The following SLC4A10 variants were observed in gnomAD, a reference collection of about 807,000 sequenced individuals.
SLC4A10 encodes the protein solute carrier family 4 member 10.
SLC4A10 carries 42 observed loss-of-function variants against 137.7 expected under a neutral mutation model. The observed-to-expected ratio is 0.30, with a 90% CI of 0.24 to 0.39. The LOEUF (loss-of-function observed/expected upper bound fraction) is 0.39, where lower values mean the gene tolerates loss of function less well. SLC4A10 is among the 10% of genes least tolerant of loss of function. The pLI is 1.00. For synonymous variants in SLC4A10, 474 were observed against 464.1 expected (o/e 1.02, Z -0.27); for missense variants, 925 against 1,355.0 (o/e 0.68, Z 4.98).
At chr2:161,924,571 G>A (rs1272628628) in intron 15 of SLC4A10, among the ~76,000 whole-genome samples, 2 of 151,760 alleles carry the variant, frequency 1.3e-5, no homozygotes. Context: ...TATAAATCTT[G>A]TATATTAAAA....
At chr2:161,737,933 G>A (rs561240359) in intron 1 of SLC4A10, among the ~76,000 whole-genome samples, 40 of 152,280 alleles carry the variant, frequency 2.6e-4, no homozygotes, top group Non-Finnish European at 4.7e-4. Flanking sequence ...GGCACATTCT[G>A]CAGCATTTCT....
rs73017175 is a variant in SLC4A10, at chr2:161,798,400, T to C, written c.131-6049T>C. The stretch of plus-strand genomic sequence containing the variant: ...CTTGACCCCTTCCCTCCCAGCTAAA[T>C]AAAGAATAGTTTATTAATAACATTA... On this transcript the variant is annotated intron_variant, in intron 2 of 26. Transcript: ENST00000446997. Among the ~76,000 whole-genome samples, 983 of 151,956 alleles carry C rather than the reference T, an allele frequency of 6.5e-3. 12 individuals are homozygous for C. Among genetic ancestry groups the C allele is most frequent in the African/African-American group, 0.022 (933 of 41,538 alleles).
chr2:161,867,864 G>A (rs2060859330), intron 6 of SLC4A10, among the ~76,000 whole-genome samples: 1 of 151,712 alleles, frequency 6.6e-6, no homozygotes, highest in African/African-American at 2.4e-5. Context: ...TCTTGTGTCT[G>A]TCTCTAACAG....
At chr2:161,838,070 G>C (rs965178545) in intron 3 of SLC4A10, among the ~76,000 whole-genome samples, 13 of 152,086 alleles carry the variant, frequency 8.5e-5, no homozygotes, top group Non-Finnish European at 1.9e-4. Flanking sequence ...TCAATCTATG[G>C]TACTTTGTTA....
At chr2:161,660,271 A>G (rs1157597187) in intron 1 of SLC4A10, among the ~76,000 whole-genome samples, 2 of 152,226 alleles carry the variant, frequency 1.3e-5, no homozygotes, top group South Asian at 2.1e-4. Context: ...AACAACTACT[A>G]AGTTATATTC....
intron 3 of SLC4A10, among the ~76,000 whole-genome samples, chr2:161,828,188 C>T (rs1470864822): frequency 1.3e-5 from 2 of 152,278 alleles, no homozygotes; most frequent in Middle Eastern, 3.4e-3. Flanking sequence ...ACAAAGCCTG[C>T]GCATTTGGAC....
intron 4 of SLC4A10, among the ~76,000 whole-genome samples, chr2:161,851,076 G>A (rs1320087419): frequency 6.6e-6 from 1 of 152,102 alleles, no homozygotes; most frequent in Non-Finnish European, 1.5e-5. Flanking sequence ...CTGAGAGCAT[G>A]TTTGGTATGA....
At chr2:161,625,066 C>CGTGTGTGTGTGT (rs5835872) in intron 1 of SLC4A10, among the ~76,000 whole-genome samples, 32 of 144,308 alleles carry the variant, frequency 2.2e-4, no homozygotes, top group African/African-American at 6.7e-4. Flanking sequence ...ACAGAAGGAT[C>CGTGTGTGTGTGT]GTGTGTGTGT....
chr2:161,912,699 T>A (rs1686143773), intron 15 of SLC4A10, among the ~76,000 whole-genome samples: 1 of 152,086 alleles, frequency 6.6e-6, no homozygotes, highest in African/African-American at 2.4e-5. Context: ...CAGTCAACAC[T>A]GATGCTTTGC....
At chr2:161,790,262 C>T (rs2054058017) in intron 2 of SLC4A10, among the ~76,000 whole-genome samples, 1 of 152,046 alleles carries the variant, frequency 6.6e-6, no homozygotes, top group Admixed American at 6.6e-5. Flanking sequence ...AGATTTATTC[C>T]CATAATTAGG....
intron 12 of SLC4A10, among the ~76,000 whole-genome samples, chr2:161,903,115 T>A (rs528673702): frequency 1.2e-4 from 18 of 152,214 alleles, no homozygotes; most frequent in Admixed American, 5.9e-4. Context: ...TACTTATTAA[T>A]GCTCTCATTT....
intron 1 of SLC4A10, among the ~76,000 whole-genome samples, chr2:161,625,101 GTGTGTGTGTGTT>G (rs1310184113): frequency 6.8e-6 from 1 of 146,658 alleles, no homozygotes; most frequent in East Asian, 2.0e-4. Flanking sequence ...GTGTGTGTGT[GTGTGTGTGTGTT>G]CTGTCTCTTT....
intron 1 of SLC4A10, among the ~76,000 whole-genome samples, chr2:161,725,066 A>G (rs1347097699): frequency 2.6e-5 from 4 of 152,220 alleles, no homozygotes; most frequent in Non-Finnish European, 5.9e-5. Context: ...AAGAAAATGA[A>G]GAATGAGAAT....
chr2:161,773,725 G>T (rs187166404), intron 2 of SLC4A10, among the ~76,000 whole-genome samples: 8 of 151,812 alleles, frequency 5.3e-5, no homozygotes, highest in African/African-American at 1.7e-4. Flanking sequence ...CAACAGGTTG[G>T]TATATTAGTT....
chr2:161,866,446 T>A (rs2060756014), intron 6 of SLC4A10, among the ~76,000 whole-genome samples: 1 of 151,954 alleles, frequency 6.6e-6, no homozygotes, highest in Admixed American at 6.6e-5. Flanking sequence ...AGGGCTAATG[T>A]GAAGGATGCT....
intron 1 of SLC4A10, among the ~76,000 whole-genome samples, chr2:161,649,799 ATT>A (rs5835875): frequency 0.12 from 18,277 of 150,494 alleles, 1,179 homozygotes; most frequent in African/African-American, 0.17. Flanking sequence ...CTAAATAGAC[ATT>A]TTTTTTTTTG....
chr2:161,813,817 T>C (rs754909690), intron 3 of SLC4A10, among the ~76,000 whole-genome samples: 21 of 152,156 alleles, frequency 1.4e-4, no homozygotes, highest in Non-Finnish European at 2.9e-4. Context: ...ATTATGCCAG[T>C]TTTTCTAGAA....
At chr2:161,900,222 C>T (rs143041682) in intron 11 of SLC4A10, among the ~76,000 whole-genome samples, 1 of 152,190 alleles carries the variant, frequency 6.6e-6, no homozygotes, top group African/African-American at 2.4e-5. Context: ...CAATACTTAC[C>T]TGAATCTCTA....
At chr2:161,624,688 A>G in intron 1 of SLC4A10, 122 bp downstream of exon 1, 3 of 1,315,010 alleles carry the variant, frequency 2.3e-6, no homozygotes, top group Non-Finnish European at 3.2e-6. Flanking sequence ...CCTACGACAT[A>G]TGGACAGGGG....
Sources: allele counts gnomAD v4.1 joint callset (sites outside exome capture counted in the v4.1 genomes callset), GRCh38; gene constraint gnomAD v4.1.1; transcripts MANE v1.5; gene names NCBI Gene and HGNC (gene_info 2026-07-23, HGNC 2026-07-21).